DTX3L: variants seen among roughly 807,000 people sequenced by gnomAD.
DTX3L encodes deltex E3 ubiquitin ligase 3L.
A neutral mutation model predicts 60.9 loss-of-function variants in DTX3L; 34 were observed. The ratio of observed to expected loss-of-function variants is 0.56; its 90% confidence interval spans 0.42 to 0.74. DTX3L has a LOEUF of 0.74. Ranked by LOEUF, DTX3L falls within the 30% of genes least tolerant of loss-of-function variation. The pLI, the probability that DTX3L is intolerant of heterozygous loss-of-function variation, is 0.00. For missense variants in DTX3L, 810 were observed against 874.0 expected (o/e 0.93, Z 0.92); for synonymous variants, 290 against 316.6 (o/e 0.92, Z 0.89).
At position 122,569,363 on chromosome 3, in the gene DTX3L, G is replaced by A. The variant is rs2332285; in HGVS notation, c.1274G>A (p.Arg425Lys). 915,916 of 1,613,742 alleles carry A rather than the reference G, an allele frequency of 0.57. 261,116 individuals are homozygous for A. Among genetic ancestry groups the A allele is most frequent in the East Asian group, 0.66 (29,560 of 44,856 alleles). Residue 425 changes from arginine to lysine, a missense_variant, in exon 3 of 5, where the codon AGG becomes AAG. Coordinates refer to ENST00000296161, the MANE Select transcript of DTX3L (RefSeq NM_138287.3). Reference sequence around the variant, plus strand: ...TGCATTCTGTTTGAATCCAAGGACAGGCAGGTAGATCTATCTGTGCATGCT... The same window carrying A: ...TGCATTCTGTTTGAATCCAAGGACAAGCAGGTAGATCTATCTGTGCATGCT... The part of the protein sequence containing the change: ...KTCILFESKD[R>K]QVDLSVHAYA...
Position 122,569,413 on chromosome 3 carries a change from C to T in DTX3L, c.1324C>T (p.Gln442Ter), listed in dbSNP as rs1309054498. The T allele has an allele frequency of 1.9e-6, 3 of 1,614,064 alleles. No homozygotes were observed. Among genetic ancestry groups the T allele is most frequent in the Non-Finnish European group, 1.7e-6 (2 of 1,180,040 alleles). The change falls in exon 3 of 5, where the codon CAA becomes TAA. Residue 442 changes from glutamine (Q) to a stop codon, truncating the protein, a stop_gained. Coordinates refer to ENST00000296161, the MANE Select transcript of DTX3L (RefSeq NM_138287.3). LOFTEE classifies it high-confidence loss of function. Reference sequence around the variant, plus strand: ...TTATGCAAGTTTCATCGATGCCTTTCAACATGCCTCATGTCAGTTGATGAG... The same window carrying T: ...TTATGCAAGTTTCATCGATGCCTTTTAACATGCCTCATGTCAGTTGATGAG... ...HAYASFIDAF[Q>*]HASCQLMREV...
At chr3:122,566,817 C>A (rs990865899) in intron 2 of DTX3L, among the ~76,000 whole-genome samples, 1 of 152,170 alleles carries the variant, frequency 6.6e-6, no homozygotes, top group Non-Finnish European at 1.5e-5. Context: ...CAGCCAGGAA[C>A]ATGGCAGACT....
At chr3:122,565,772 G>C (rs1233302439) in intron 1 of DTX3L, 87 bp from the exon 2 acceptor site, 1 of 1,342,486 alleles carries the variant, frequency 7.4e-7, no homozygotes, top group Non-Finnish European at 1.0e-6. Context: ...TGCTGGGGCA[G>C]AGTACAGACA....
At position 122,565,060 on chromosome 3, in the gene DTX3L, T is replaced by C. The variant is rs1015316570; in HGVS notation, c.187+447T>C. On this transcript the variant is annotated intron_variant, in intron 1 of 4. Coordinates refer to ENST00000296161, the MANE Select transcript of DTX3L (RefSeq NM_138287.3). The stretch of plus-strand genomic sequence containing the variant: ...TATGCTCACTATAGAAATAAAAGAG[T>C]AAAAAAGAAAACAACCTGAAGATAA... Among the ~76,000 whole-genome samples the C allele has an allele frequency of 3.9e-5, 6 of 152,114 alleles. No homozygotes were observed. In the South Asian group the frequency reaches 1.2e-3, roughly 32 times the overall value.
At chr3:122,570,346 T>A (rs2080636146) in intron 3 of DTX3L, 109 bp from the exon 4 acceptor site, 2 of 1,116,244 alleles carry the variant, frequency 1.8e-6, no homozygotes, top group Admixed American at 4.6e-5. Context: ...ATAACTTCAA[T>A]ACCTTTCTTG....
At chr3:122,568,348 AATAG>A in intron 2 of DTX3L, 137 bp from the exon 3 acceptor site, 1 of 379,232 alleles carries the variant, frequency 2.6e-6, no homozygotes, top group South Asian at 1.4e-4. Context: ...TAAATAAATA[AATAG>A]GATTTGAAAG....
rs1264202490 is a variant in DTX3L at position 122,569,992 on chromosome 3, A to G, written c.1903A>G (p.Ile635Val). 1.2e-6 allele frequency: 2 copies of G among 1,613,940 alleles called. No individual in the cohort carries two copies. Among genetic ancestry groups the G allele is most frequent in the South Asian group, 2.2e-5 (2 of 91,084 alleles). ...TTATGAGTCCTTTGGCACCATTGTG[A>G]TTACTTATTCTATGAAAGCAGGCAT... ...PGYESFGTIVITYSMKAGIQT... is the reference protein window; with the variant it reads ...PGYESFGTIVVTYSMKAGIQT... Residue 635 changes from isoleucine (I) to valine (V), a missense_variant, in exon 3 of 5, where the codon ATT becomes GTT. Transcript: ENST00000296161.
Position 122,574,280 on chromosome 3 carries a change from C to T in DTX3L, c.*2533C>T, listed in dbSNP as rs1280580381. On this transcript the variant is annotated 3_prime_UTR_variant, in exon 5 of 5. Coordinates refer to ENST00000296161, the MANE Select transcript of DTX3L (RefSeq NM_138287.3). The stretch of plus-strand genomic sequence containing the variant: ...ATGTTTTCACCCTTAAAATCTTTCT[C>T]ACTGATACTCTCTCTGGACAGAAAA... The T allele has an allele frequency of 6.6e-6, 1 of 152,148 alleles. No individual in the cohort carries two copies. The highest frequency in any genetic ancestry group is 1.5e-5 in the Non-Finnish European group (1 of 68,046). 9.4% of individuals were successfully genotyped at this position (152,148 alleles called of 1,614,324 possible).
At chr3:122,570,804 T>C in intron 4 of DTX3L, 132 bp downstream of exon 4, 1 of 919,990 alleles carries the variant, frequency 1.1e-6, no homozygotes, top group South Asian at 1.6e-5. Flanking sequence ...TGATCGGGGA[T>C]GGTAATCTCA....
chr3:122,567,562 C>T (rs1382591859), intron 2 of DTX3L, among the ~76,000 whole-genome samples: 4 of 152,020 alleles, frequency 2.6e-5, no homozygotes, highest in African/African-American at 7.3e-5. Flanking sequence ...CTTAACCTGG[C>T]GTGTCTTATA....
chr3:122,571,197 A>G (rs563585727), intron 4 of DTX3L, among the ~76,000 whole-genome samples: 7 of 152,256 alleles, frequency 4.6e-5, no homozygotes, highest in South Asian at 2.1e-4. Flanking sequence ...AAAAATATAT[A>G]CCCTGAGACT....
rs768259148 is a variant in DTX3L at position 122,568,985 on chromosome 3, A to G, written c.896A>G (p.Gln299Arg). The G allele has an allele frequency of 1.1e-5, 18 of 1,614,180 alleles. No individual in the cohort carries two copies. The highest frequency in any genetic ancestry group is 1.4e-5 in the Non-Finnish European group (17 of 1,180,038). ...AARESFASEF[Q>R]KNTEPLKQEC... ...CGTGAGTCTTTTGCTAGTGAATTTC[A>G]GAAGAACACAGAACCTCTGAAGCAA... Residue 299 changes from glutamine to arginine, a missense_variant, in exon 3 of 5, where the codon CAG becomes CGG. Gln to Arg is a conservative substitution (Grantham distance 43). Transcript: ENST00000296161.
intron 3 of DTX3L, 107 bp downstream of exon 3, chr3:122,570,131 C>A (rs1300262586): frequency 8.1e-7 from 1 of 1,228,086 alleles, no homozygotes; most frequent in Non-Finnish European, 1.2e-6. Flanking sequence ...AAGGAATTAT[C>A]TCCAGGGTCA....
rs1363980489 is a variant in DTX3L, at chr3:122,569,643, G to C, written c.1554G>C (p.Lys518Asn). 1 of 1,614,198 alleles carries C rather than the reference G, an allele frequency of 6.2e-7. No homozygotes were observed. Among genetic ancestry groups the C allele is most frequent in the South Asian group, 1.1e-5 (1 of 91,084 alleles). Residue 518 changes from lysine (K) to asparagine (N), a missense_variant, in exon 3 of 5, where the codon AAG (lysine) becomes AAC (asparagine). Transcript: ENST00000296161. ...KGGGMSSLAG[K>N]KLKEGHETPM... ...GAGGAATGTCTTCATTGGCTGGAAA[G>C]AAATTGAAAGAGGGTCATGAAACAC...
At position 122,569,899 on chromosome 3, in the gene DTX3L, G is replaced by T. The variant is rs1298159003; in HGVS notation, c.1810G>T (p.Gly604Cys). Residue 604 changes from glycine (G) to cysteine (C), a missense_variant, in exon 3 of 5, where the codon GGT (glycine) becomes TGT (cysteine). Coordinates refer to ENST00000296161, the MANE Select transcript of DTX3L (RefSeq NM_138287.3). Reference sequence around the variant, plus strand: ...CTGTCCCACATGCCAGACTTCCTATGGTATTCAGAAAGGAAATCAGCCAGA... The same window carrying T: ...CTGTCCCACATGCCAGACTTCCTATTGTATTCAGAAAGGAAATCAGCCAGA... Reference protein sequence around the residue: ...PICPTCQTSYGIQKGNQPEGS... With the variant: ...PICPTCQTSYCIQKGNQPEGS... 1.2e-6 allele frequency: 2 copies of T among 1,614,108 alleles called. No homozygotes were observed. Among genetic ancestry groups the T allele is most frequent in the Non-Finnish European group, 1.7e-6 (2 of 1,180,022 alleles).
chr3:122,568,977 T>G lies in DTX3L; in HGVS notation c.888T>G (p.Ser296Arg). ...AAGCAGCTCGTGAGTCTTTTGCTAG[T>G]GAATTTCAGAAGAACACAGAACCTC... ...DLEAARESFA[S>R]EFQKNTEPLK... The change falls in exon 3 of 5, where the codon AGT becomes AGG. Residue 296 changes from serine (S) to arginine (R), a missense_variant. By Grantham distance (110) the Ser-to-Arg change is moderately radical (BLOSUM62 -1). Coordinates refer to ENST00000296161, the MANE Select transcript of DTX3L (RefSeq NM_138287.3). 6.2e-7 allele frequency: 1 copy of G among 1,614,152 alleles called. No individual in the cohort carries two copies. The highest frequency in any genetic ancestry group is 2.2e-5 in the East Asian group (1 of 44,882).
chr3:122,572,128 T>C lies in DTX3L; in HGVS notation c.*381T>C, dbSNP rs535565348. On this transcript the variant is annotated 3_prime_UTR_variant, in exon 5 of 5. Transcript: ENST00000296161. ...CAGGGTTTCACTGTGTTAGCCAGGA[T>C]GGTCTCGATCTCCTGACCTCGTGAT... 10 of 166,210 alleles carry C rather than the reference T, an allele frequency of 6.0e-5. No individual in the cohort carries two copies. The highest frequency in any genetic ancestry group is 1.2e-4 in the Non-Finnish European group (9 of 75,794). The allele number at this position is 166,210 out of a possible 1,614,324, so 10.3% of individuals were successfully genotyped here.
rs765191123 is a variant in DTX3L, at chr3:122,568,853, A to G, written c.764A>G (p.Asn255Ser). The change falls in exon 3 of 5, where the codon AAC (asparagine) becomes AGC (serine). Residue 255 changes from asparagine to serine, a missense_variant. Physicochemically the swap from Asn to Ser is conservative, Grantham distance 46. Coordinates refer to ENST00000296161, the MANE Select transcript of DTX3L (RefSeq NM_138287.3). ...YFKYICPDKINSIEKRFGVNI... is the reference protein window; with the variant it reads ...YFKYICPDKISSIEKRFGVNI... ...AAATATATCTGTCCTGATAAAATCA[A>G]CTCAATAGAGAAAAGATTTGGTGTA... 1.2e-6 allele frequency: 2 copies of G among 1,613,868 alleles called. No homozygotes were observed. Among genetic ancestry groups the G allele is most frequent in the East Asian group, 2.2e-5 (1 of 44,902 alleles).
intron 2 of DTX3L, among the ~76,000 whole-genome samples, chr3:122,566,791 A>G (rs540448640): frequency 6.6e-6 from 1 of 152,310 alleles, no homozygotes; most frequent in Non-Finnish European, 1.5e-5. Context: ...AGGCACTGTT[A>G]TAGGAGCTGG....
Sources: gnomAD v4.1 joint callset for allele counts (sites outside exome capture counted in the v4.1 genomes callset) on GRCh38, gnomAD v4.1.1 for gene constraint, MANE v1.5 for transcripts, NCBI Gene and HGNC (gene_info 2026-07-23, HGNC 2026-07-21) for gene names.